Variants in EPB41L4B observed in about 807,000 individuals in gnomAD.
EPB41L4B encodes erythrocyte membrane protein band 4.1 like 4B.
Under a neutral mutation model 112.5 loss-of-function variants are expected in EPB41L4B, and 30 were observed. The observed-to-expected ratio is 0.27, with a 90% CI of 0.20 to 0.36. The LOEUF (loss-of-function observed/expected upper bound fraction) is 0.36, where lower values mean the gene tolerates loss of function less well. EPB41L4B is among the 10% of genes least tolerant of loss of function. The pLI is 1.00. For synonymous variants in EPB41L4B, 408 were observed against 439.7 expected, an observed-to-expected ratio of 0.93 and a Z score of 0.90; for missense variants, 1,024 against 1,133.3, an observed-to-expected ratio of 0.90 and a Z score of 1.38.
At chr9:109,191,271 A>G (rs1442874564) in intron 22 of EPB41L4B, among the ~76,000 whole-genome samples, 1 of 152,240 alleles carries the variant, frequency 6.6e-6, no homozygotes, top group Non-Finnish European at 1.5e-5. Context: ...TGAGGCCTGC[A>G]TACATGCACT....
At chr9:109,239,579 G>C (rs1834281464) in intron 15 of EPB41L4B, among the ~76,000 whole-genome samples, 1 of 152,170 alleles carries the variant, frequency 6.6e-6, no homozygotes, top group South Asian at 2.1e-4. Flanking sequence ...CAGAAAAGGA[G>C]GCTGTTAAGA....
chr9:109,226,880 C>T (rs887129994), intron 15 of EPB41L4B, among the ~76,000 whole-genome samples: 2 of 151,100 alleles, frequency 1.3e-5, no homozygotes, highest in African/African-American at 2.4e-5. Flanking sequence ...CTCTGTTGCC[C>T]AGGCAAGAGT....
intron 22 of EPB41L4B, among the ~76,000 whole-genome samples, chr9:109,189,511 T>G (rs1832384861): frequency 1.3e-5 from 2 of 152,252 alleles, no homozygotes; most frequent in South Asian, 4.1e-4. Flanking sequence ...GATTGAAACT[T>G]TTTATTAATC....
At chr9:109,210,080 AT>A (rs1833114314) in intron 17 of EPB41L4B, among the ~76,000 whole-genome samples, 1 of 149,852 alleles carries the variant, frequency 6.7e-6, no homozygotes, top group African/African-American at 2.5e-5. Context: ...GCAAATATAT[AT>A]AACCAAAAAA....
At chr9:109,218,097 G>A (rs1417800753) in intron 15 of EPB41L4B, among the ~76,000 whole-genome samples, 2 of 148,358 alleles carry the variant, frequency 1.3e-5, no homozygotes, top group Non-Finnish European at 3.0e-5. Flanking sequence ...TCTTCAAGGA[G>A]CTTGAATATA....
chr9:109,182,701 T>G (rs984742687), intron 24 of EPB41L4B, 28 bp downstream of exon 24: 1 of 1,564,816 alleles, frequency 6.4e-7, no homozygotes, highest in African/African-American at 1.4e-5. Context: ...GGGTTTAAAA[T>G]GCACATCTGT....
At chr9:109,285,075 G>T (rs1316650052) in intron 1 of EPB41L4B, among the ~76,000 whole-genome samples, 1 of 152,182 alleles carries the variant, frequency 6.6e-6, no homozygotes, top group Non-Finnish European at 1.5e-5. Context: ...GACTTATCCT[G>T]CAGCAGCAAA....
Position 109,176,052 on chromosome 9 carries a change from A to G in EPB41L4B, c.2633+499T>C, listed in dbSNP as rs1005084877. 8.5e-3 allele frequency among the ~76,000 whole-genome samples: 386 copies of G among 45,318 alleles called. 6 individuals carry two copies. The highest frequency in any genetic ancestry group is 0.061 in the Admixed American group (364 of 5,952). 29.7% of individuals were successfully genotyped at this position (45,318 alleles called of 152,430 possible). On this transcript the variant is annotated intron_variant, in intron 25 of 25. Coordinates refer to ENST00000374566, the MANE Select transcript of EPB41L4B (RefSeq NM_019114.5). Reference sequence around the variant, plus strand: ...TCCCTTGTCAATATCACACACACGCACACACACACACACACACACACACAC... The same window carrying G: ...TCCCTTGTCAATATCACACACACGCGCACACACACACACACACACACACAC...
intron 15 of EPB41L4B, among the ~76,000 whole-genome samples, chr9:109,232,949 G>A (rs187971826): frequency 6.6e-6 from 1 of 152,194 alleles, no homozygotes; most frequent in Non-Finnish European, 1.5e-5. Context: ...AGGGCTTAAT[G>A]GTTTAATTGC....
chr9:109,275,767 C>T (rs1248146246), intron 2 of EPB41L4B, among the ~76,000 whole-genome samples: 1 of 152,178 alleles, frequency 6.6e-6, no homozygotes, highest in Non-Finnish European at 1.5e-5. Flanking sequence ...GTAGGGTGTA[C>T]TAGAAAGAGC....
At chr9:109,241,860 G>T in intron 15 of EPB41L4B, 2 of 1,591,202 alleles carry the variant, frequency 1.3e-6, no homozygotes, top group Admixed American at 1.7e-5. Flanking sequence ...AGAAAATGCA[G>T]AAATGTAAGT....
At chr9:109,284,194 T>A (rs1370135342) in intron 1 of EPB41L4B, among the ~76,000 whole-genome samples, 1 of 152,198 alleles carries the variant, frequency 6.6e-6, no homozygotes, top group Admixed American at 6.5e-5. Flanking sequence ...GCAAAGCCTA[T>A]TGTATGATAA....
At chr9:109,287,008 A>G (rs1836312900) in intron 1 of EPB41L4B, among the ~76,000 whole-genome samples, 1 of 152,238 alleles carries the variant, frequency 6.6e-6, no homozygotes, top group Non-Finnish European at 1.5e-5. Context: ...CCCAAAGACC[A>G]ACAACTGGTG....
chr9:109,205,788 C>T (rs1588135384), intron 18 of EPB41L4B, among the ~76,000 whole-genome samples: 1 of 152,296 alleles, frequency 6.6e-6, no homozygotes, highest in East Asian at 1.9e-4. Context: ...TCACAATAAC[C>T]TGACAGATGT....
In EPB41L4B at chr9:109,305,839, G is replaced by T. The variant is rs145225443; in HGVS notation, c.306+14302C>A. 1.8e-4 allele frequency among the ~76,000 whole-genome samples: 27 copies of T among 152,216 alleles called. No individual in the cohort carries two copies. The East Asian group carries it at 4.6e-3, about 26-fold the overall frequency. On this transcript the variant is annotated intron_variant, in intron 1 of 25. Transcript: ENST00000374566. ...CTTGGGAGGCTGAGGCAGCAGAATCGCTTGAATGCGGGAGGTAGAGCTTGC... is the reference window on the plus strand; with the variant it reads ...CTTGGGAGGCTGAGGCAGCAGAATCTCTTGAATGCGGGAGGTAGAGCTTGC...
chr9:109,194,214 C>CA lies in EPB41L4B; in HGVS notation c.2223+5dup. On this transcript the variant is annotated splice_donor_region_variant and intron_variant, in intron 21 of 25. Coordinates refer to ENST00000374566, the MANE Select transcript of EPB41L4B (RefSeq NM_019114.5). ...CTGCTCGCCAGGGCTTTCCACCCCC[C>CA]AATACCTTGGCCCCAGGGGACAGCA... The CA allele has an allele frequency of 1.2e-6, 2 of 1,613,436 alleles. No homozygotes were observed. The highest frequency in any genetic ancestry group is 1.7e-5 in the Admixed American group (1 of 60,014).
intron 2 of EPB41L4B, among the ~76,000 whole-genome samples, chr9:109,275,405 A>G (rs1350644055): frequency 6.6e-6 from 1 of 152,122 alleles, no homozygotes; most frequent in Non-Finnish European, 1.5e-5. Context: ...AACACCTCCT[A>G]TGACATCCAA....
intron 15 of EPB41L4B, among the ~76,000 whole-genome samples, chr9:109,228,181 ACTT>A (rs1377216583): frequency 6.6e-6 from 1 of 152,192 alleles, no homozygotes. Flanking sequence ...GATAAATTCT[ACTT>A]ATCAGGTTAG....
intron 2 of EPB41L4B, among the ~76,000 whole-genome samples, chr9:109,269,542 G>A (rs1399469952): frequency 6.6e-6 from 1 of 152,200 alleles, no homozygotes; most frequent in African/African-American, 2.4e-5. Flanking sequence ...ACTTAATTGT[G>A]ACTGTTTCCT....
Sources: gnomAD v4.1 joint callset for allele counts (sites outside exome capture counted in the v4.1 genomes callset) on GRCh38, gnomAD v4.1.1 for gene constraint, MANE v1.5 for transcripts, NCBI Gene and HGNC (gene_info 2026-07-23, HGNC 2026-07-21) for gene names.